CKMT2: variants seen among roughly 807,000 people sequenced by gnomAD.
CKMT2 encodes creatine kinase, mitochondrial 2.
A neutral mutation model predicts 48.9 loss-of-function variants in CKMT2; 43 were observed. The ratio of observed to expected loss-of-function variants is 0.88; its 90% CI spans 0.69 to 1.13. The LOEUF is 1.13. Ranked by LOEUF, CKMT2 falls within the 50% of genes most tolerant of loss-of-function variation. CKMT2 has a pLI of 0.00. For synonymous variants in CKMT2, 206 were observed against 213.0 expected (o/e 0.97, Z 0.29); for missense variants, 472 against 555.4 (o/e 0.85, Z 1.51).
intron 9 of CKMT2, among the ~76,000 whole-genome samples, chr5:81,265,819 C>A (rs887143262): frequency 6.6e-6 from 1 of 152,080 alleles, no homozygotes; most frequent in African/African-American, 2.4e-5. Flanking sequence ...AAGAATAACA[C>A]GAGGGTGTCA....
chr5:81,257,760 C>T lies in CKMT2; in HGVS notation c.783C>T (p.Ile261=). The change falls in exon 7 of 10, where the codon ATC becomes ATT. Residue 261 remains isoleucine (I), a synonymous_variant. Transcript: ENST00000254035. ...IWHNYDKTFL[I]WINEEDHTRV... is the part of the protein sequence containing the mutation. ...ATAATTATGATAAGACATTTCTCAT[C>T]TGGATAAATGAGGAGGATCACACCA... 6.2e-7 allele frequency: 1 copy of T among 1,610,292 alleles called. No homozygotes were observed.
Position 81,256,912 on chromosome 5 carries a change from C to G in CKMT2, c.670-3C>G, listed in dbSNP as rs1408101396. On this transcript the variant is annotated splice_polypyrimidine_tract_variant and splice_region_variant and intron_variant, in intron 5 of 9. Coordinates refer to ENST00000254035, the MANE Select transcript of CKMT2 (RefSeq NM_001099735.2). ...TCTCTGCTTTATCCCTTTTGGCCTACAGGACCACTTTCTGTTTGATAAGCC... is the reference window on the plus strand; with the variant it reads ...TCTCTGCTTTATCCCTTTTGGCCTAGAGGACCACTTTCTGTTTGATAAGCC... The G allele has an allele frequency of 1.2e-6, 2 of 1,612,200 alleles. No individual in the cohort carries two copies. The highest frequency in any genetic ancestry group is 1.1e-5 in the South Asian group (1 of 90,904).
intron 8 of CKMT2, chr5:81,259,486 T>C (rs1186731663): frequency 2.8e-6 from 1 of 360,558 alleles, no homozygotes; most frequent in Non-Finnish European, 4.9e-6. Context: ...CTTTACATTT[T>C]TCCTCATGTA....
At chr5:81,263,403 C>A in intron 8 of CKMT2, 88 bp from the exon 9 acceptor site, 1 of 723,148 alleles carries the variant, frequency 1.4e-6, no homozygotes, top group Non-Finnish European at 2.0e-6. Context: ...TGTTATCTCT[C>A]ACTATATGTC....
chr5:81,257,666 A>G (rs1757059972), intron 6 of CKMT2, 67 bp from the exon 7 acceptor site: 1 of 1,440,080 alleles, frequency 6.9e-7, no homozygotes, highest in African/African-American at 1.4e-5. Context: ...CTAGGGAGGT[A>G]ATGGGAATTT....
intron 1 of CKMT2, chr5:81,237,826 T>C (rs977393980): frequency 5.9e-5 from 9 of 152,206 alleles, no homozygotes; most frequent in African/African-American, 2.2e-4. Flanking sequence ...TCTTTTCCTT[T>C]TAACCTAAAA....
intron 8 of CKMT2, among the ~76,000 whole-genome samples, chr5:81,260,643 C>A (rs1042398453): frequency 2.6e-5 from 4 of 152,170 alleles, no homozygotes; most frequent in African/African-American, 7.2e-5. Flanking sequence ...TGGACACATA[C>A]ACCCTCCCAA....
chr5:81,261,508 G>T (rs971829412), intron 8 of CKMT2, among the ~76,000 whole-genome samples: 5 of 152,124 alleles, frequency 3.3e-5, no homozygotes, highest in Admixed American at 1.3e-4. Flanking sequence ...CAAAGTCTCA[G>T]GATACAAAAT....
At chr5:81,240,552 A>G (rs1756401654) in intron 1 of CKMT2, among the ~76,000 whole-genome samples, 1 of 152,208 alleles carries the variant, frequency 6.6e-6, no homozygotes, top group Admixed American at 6.5e-5. Flanking sequence ...CATGCAATAC[A>G]GTACTTTGGT....
chr5:81,263,461 G>T, intron 8 of CKMT2, 30 bp from the exon 9 acceptor site: 1 of 1,515,132 alleles, frequency 6.6e-7, no homozygotes, highest in Non-Finnish European at 8.9e-7. Context: ...TTGCCTCTTA[G>T]CACATTTAAG....
chr5:81,245,563 T>C (rs1756580770), intron 1 of CKMT2, among the ~76,000 whole-genome samples: 1 of 152,204 alleles, frequency 6.6e-6, no homozygotes, highest in Non-Finnish European at 1.5e-5. Context: ...AGGTCGTCTG[T>C]GAGTTGAAGA....
chr5:81,239,176 G>C (rs561911980), intron 1 of CKMT2: 14 of 152,220 alleles, frequency 9.2e-5, no homozygotes, highest in African/African-American at 3.4e-4. Context: ...GGGCTGTCTT[G>C]AACCGTGGGT....
In CKMT2 at chr5:81,254,429, C is replaced by G; in HGVS notation, c.385C>G (p.Leu129Val). The G allele has an allele frequency of 6.2e-7, 1 of 1,614,198 alleles. No homozygotes were observed. The highest frequency in any genetic ancestry group is 8.5e-7 in the Non-Finnish European group (1 of 1,180,026). ...FADLFDPVIKLRHNGYDPRVM... is the reference protein window; with the variant it reads ...FADLFDPVIKVRHNGYDPRVM... ...TGACCTTTTTGACCCCGTCATCAAACTAAGACACAACGGCTATGACCCCAG... is the reference window on the plus strand; with the variant it reads ...TGACCTTTTTGACCCCGTCATCAAAGTAAGACACAACGGCTATGACCCCAG... The change falls in exon 4 of 10, where the codon CTA becomes GTA. Residue 129 changes from leucine to valine, a missense_variant. Physicochemically the swap from Leu to Val is conservative, Grantham distance 32. Transcript: ENST00000254035.
chr5:81,238,019 A>G (rs906564198), intron 1 of CKMT2: 1 of 152,248 alleles, frequency 6.6e-6, no homozygotes, highest in Admixed American at 6.5e-5. Flanking sequence ...TTTGTAAAAT[A>G]TGATAAAGTG....
At chr5:81,251,952 T>C (rs1480046302) in intron 2 of CKMT2, 1 of 153,224 alleles carries the variant, frequency 6.5e-6, no homozygotes, top group African/African-American at 2.4e-5. Context: ...CAAGTTCACA[T>C]AGCTAGTACA....
At chr5:81,241,959 TAA>T (rs369086839) in intron 1 of CKMT2, among the ~76,000 whole-genome samples, 4 of 140,582 alleles carry the variant, frequency 2.8e-5, no homozygotes, top group African/African-American at 2.6e-5. Flanking sequence ...TCAGAACCCC[TAA>T]AAAAAAAAAA....
At chr5:81,250,978 CAG>C (rs962923733) in intron 1 of CKMT2, 133 bp from the exon 2 acceptor site, 3 of 646,408 alleles carry the variant, frequency 4.6e-6, no homozygotes, top group East Asian at 2.7e-5. Context: ...CACACACACA[CAG>C]AAAGAGAGAG....
In CKMT2 at chr5:81,234,099, A is replaced by AGCTT. The variant is rs1180031757; in HGVS notation, c.-21+732_-21+735dup. On this transcript the variant is annotated intron_variant, in intron 1 of 9. Coordinates refer to ENST00000254035, the MANE Select transcript of CKMT2 (RefSeq NM_001099735.2). Reference sequence around the variant, plus strand: ...CCTGGGCAGAGGCCTGTTCTTCACTAGCTTGCTTGCTTGGTTGGTTGTCCC... The same window carrying AGCTT: ...CCTGGGCAGAGGCCTGTTCTTCACTAGCTTGCTTGCTTGCTTGGTTGGTTGTCCC... Among the ~76,000 whole-genome samples the AGCTT allele has an allele frequency of 4.2e-4, 54 of 129,482 alleles. 1 individual carries two copies. The highest frequency in any genetic ancestry group is 4.2e-3 in the Middle Eastern group (1 of 236). The allele number at this position is 129,482 out of a possible 152,430, so 84.9% of individuals were successfully genotyped here.
At chr5:81,266,045 G>T in intron 9 of CKMT2, 94 bp from the exon 10 acceptor site, 1 of 1,114,522 alleles carries the variant, frequency 9.0e-7, no homozygotes, top group South Asian at 1.6e-5. Context: ...CATCTAAGTG[G>T]CAAGTTCTCA....
Sources: allele counts gnomAD v4.1 joint callset (sites outside exome capture counted in the v4.1 genomes callset), GRCh38; gene constraint gnomAD v4.1.1; transcripts MANE v1.5; gene names NCBI Gene and HGNC (gene_info 2026-07-23, HGNC 2026-07-21).